The following SLC24A2 variants were observed in gnomAD, a reference collection of about 807,000 sequenced individuals.
The protein encoded by SLC24A2 is solute carrier family 24 member 2, also known as sodium/potassium/calcium exchanger 2.
SLC24A2 carries 36 observed loss-of-function variants against 62.0 expected under a neutral mutation model. That is an observed-to-expected ratio of 0.58 (90% CI 0.44 to 0.77). The LOEUF is 0.77. SLC24A2 is among the 30% of genes least tolerant of loss of function. The pLI is 0.00. For synonymous variants in SLC24A2, 358 were observed against 294.0 expected (o/e 1.22, Z -2.23); for missense variants, 846 against 817.9 (o/e 1.03, Z -0.42).
intron 2 of SLC24A2, among the ~76,000 whole-genome samples, chr9:19,752,046 G>A (rs778833794): frequency 3.9e-5 from 6 of 152,182 alleles, no homozygotes; most frequent in African/African-American, 1.2e-4. Flanking sequence ...TTTCCACGTA[G>A]TCAAAAGGTT....
chr9:20,223,173 G>A, the SLC24A2 span, among the ~76,000 whole-genome samples: 73 of 152,040 alleles, frequency 4.8e-4, no homozygotes, highest in African/African-American at 1.6e-3. Context: ...AAAGACACCT[G>A]GGGTAAATCT....
the SLC24A2 span, among the ~76,000 whole-genome samples, chr9:20,256,222 G>A: frequency 6.6e-6 from 1 of 152,174 alleles, no homozygotes; most frequent in African/African-American, 2.4e-5. Context: ...GGGGAGACAC[G>A]TTTAAACCAT....
At chr9:19,585,533 ATG>A (rs1417474052) in intron 5 of SLC24A2, among the ~76,000 whole-genome samples, 2 of 152,202 alleles carry the variant, frequency 1.3e-5, no homozygotes, top group African/African-American at 4.8e-5. Context: ...TCTGAGAACT[ATG>A]TGTGCTTATG....
the SLC24A2 span, among the ~76,000 whole-genome samples, chr9:19,830,147 G>C: frequency 6.6e-6 from 1 of 152,046 alleles, no homozygotes; most frequent in African/African-American, 2.4e-5. Flanking sequence ...TGCCATGCAG[G>C]CCTTGAGGCC....
intron 2 of SLC24A2, among the ~76,000 whole-genome samples, chr9:19,634,967 GA>G (rs756456383): frequency 4.3e-4 from 66 of 152,208 alleles, no homozygotes; most frequent in Non-Finnish European, 7.6e-4. Flanking sequence ...ATGGATTGAT[GA>G]TGCTGGAGAT....
the SLC24A2 span, among the ~76,000 whole-genome samples, chr9:19,850,227 C>T: frequency 1.3e-5 from 2 of 151,866 alleles, no homozygotes; most frequent in African/African-American, 2.4e-5. Flanking sequence ...AAGTAGCATA[C>T]AGTATTATTC....
chr9:20,271,589 A>G, the SLC24A2 span, among the ~76,000 whole-genome samples: 1 of 152,220 alleles, frequency 6.6e-6, no homozygotes, highest in African/African-American at 2.4e-5. Context: ...TAGACAAATG[A>G]TATCAGACGT....
chr9:19,541,790 C>T (rs1421094290), intron 8 of SLC24A2, among the ~76,000 whole-genome samples: 12 of 148,508 alleles, frequency 8.1e-5, no homozygotes, highest in African/African-American at 2.5e-4. Flanking sequence ...CAATGGCGGG[C>T]GCCCCTCCCC....
chr9:19,696,805 G>A (rs1445483474), intron 2 of SLC24A2, among the ~76,000 whole-genome samples: 1 of 152,080 alleles, frequency 6.6e-6, no homozygotes, highest in African/African-American at 2.4e-5. Context: ...AAATTAAAAT[G>A]TATGGGCTTT....
At chr9:19,622,017 A>G (rs1380490789) in intron 3 of SLC24A2, among the ~76,000 whole-genome samples, 1 of 152,248 alleles carries the variant, frequency 6.6e-6, no homozygotes, top group African/African-American at 2.4e-5. Context: ...AAAAGTTCAT[A>G]CCAAATGGAA....
chr9:19,705,388 G>C (rs7853816), intron 2 of SLC24A2: 23,374 of 161,402 alleles, frequency 0.14, 2,740 homozygotes, highest in African/African-American at 0.33. Flanking sequence ...ACTGGGAGTG[G>C]TGTCTGAGGT....
At chr9:19,898,570 A>G in the SLC24A2 span, among the ~76,000 whole-genome samples, 1,493 of 152,030 alleles carry the variant, frequency 9.8e-3, 25 homozygotes, top group African/African-American at 0.032. Flanking sequence ...GAGAAACTCC[A>G]TCTCTACTAA....
At chr9:19,782,407 A>G (rs917818148) in intron 2 of SLC24A2, among the ~76,000 whole-genome samples, 11 of 152,316 alleles carry the variant, frequency 7.2e-5, no homozygotes, top group African/African-American at 2.2e-4. Flanking sequence ...AGTCCCAGCC[A>G]ATGAGCTACT....
At chr9:20,261,663 A>G in the SLC24A2 span, among the ~76,000 whole-genome samples, 1 of 150,632 alleles carries the variant, frequency 6.6e-6, no homozygotes, top group Non-Finnish European at 1.5e-5. Flanking sequence ...TCATTTTTCT[A>G]TAAAGTTTAC....
chr9:19,768,603 C>G (rs1271309031), intron 2 of SLC24A2, among the ~76,000 whole-genome samples: 1 of 152,186 alleles, frequency 6.6e-6, no homozygotes, highest in Non-Finnish European at 1.5e-5. Flanking sequence ...ATACCCTAGA[C>G]AATGGGATTA....
the SLC24A2 span, among the ~76,000 whole-genome samples, chr9:20,133,292 T>C: frequency 1.5e-4 from 23 of 152,254 alleles, no homozygotes; most frequent in East Asian, 4.1e-3. Context: ...GATTAAGCTC[T>C]TGAATGATAC....
At chr9:19,922,556 C>T in the SLC24A2 span, among the ~76,000 whole-genome samples, 1 of 152,146 alleles carries the variant, frequency 6.6e-6, no homozygotes, top group Non-Finnish European at 1.5e-5. Flanking sequence ...TGAAAAATCC[C>T]AGGCCTCCTC....
At chr9:20,286,465 G>T in the SLC24A2 span, among the ~76,000 whole-genome samples, 5 of 152,208 alleles carry the variant, frequency 3.3e-5, no homozygotes, top group Non-Finnish European at 5.9e-5. Flanking sequence ...AGGAAGAATA[G>T]TAAGGATGAT....
the SLC24A2 span, among the ~76,000 whole-genome samples, chr9:20,111,365 C>G: frequency 1.3e-5 from 2 of 152,146 alleles, no homozygotes; most frequent in South Asian, 2.1e-4. Flanking sequence ...TGTTCTCTCT[C>G]CTTGCCTCTT....
Sources: gnomAD v4.1 joint callset for allele counts (sites outside exome capture counted in the v4.1 genomes callset) on GRCh38, gnomAD v4.1.1 for gene constraint, MANE v1.5 for transcripts, NCBI Gene and HGNC (gene_info 2026-07-23, HGNC 2026-07-21) for gene names.